Variants in EPHB1 observed in about 807,000 individuals in gnomAD.
EPHB1 encodes EPH receptor B1.
EPHB1 carries 30 observed loss-of-function variants against 94.4 expected under a neutral mutation model. The ratio of observed to expected loss-of-function variants is 0.32; its 90% CI spans 0.24 to 0.43. EPHB1 has a LOEUF of 0.43. EPHB1 is among the 20% of genes least tolerant of loss of function. EPHB1 has a pLI of 1.00. For synonymous variants in EPHB1, 522 were observed against 489.1 expected, an observed-to-expected ratio of 1.07 and a Z score of -0.89; for missense variants, 1,055 against 1,308.3, an observed-to-expected ratio of 0.81 and a Z score of 2.99.
intron 12 of EPHB1, among the ~76,000 whole-genome samples, chr3:135,207,455 TAATCATGATCAAAAGGAG>T (rs2107714921): frequency 6.6e-6 from 1 of 150,482 alleles, no homozygotes; most frequent in South Asian, 2.1e-4. Flanking sequence ...GCTGGGGACA[TAATCATGATCAAAAGGAG>T]ACATTGTTAC....
chr3:134,911,348 T>G (rs1417830928), intron 1 of EPHB1, among the ~76,000 whole-genome samples: 2 of 145,834 alleles, frequency 1.4e-5, no homozygotes, highest in Non-Finnish European at 3.0e-5. Context: ...TAGGGCTGTT[T>G]GTGCAAGGTG....
At chr3:134,795,796 C>T in intron 1 of EPHB1, 107 bp downstream of exon 1, 1 of 1,255,692 alleles carries the variant, frequency 8.0e-7, no homozygotes, top group Non-Finnish European at 1.1e-6. Flanking sequence ...GTGCAGGCAT[C>T]CCGGGACCCG....
intron 1 of EPHB1, among the ~76,000 whole-genome samples, chr3:134,836,053 G>A (rs185372296): frequency 2.6e-5 from 4 of 152,308 alleles, no homozygotes; most frequent in Admixed American, 6.5e-5. Context: ...TCCATTTGAC[G>A]GCAGAAGTGA....
chr3:134,978,394 G>C (rs1474416631), intron 3 of EPHB1, among the ~76,000 whole-genome samples: 2 of 152,240 alleles, frequency 1.3e-5, no homozygotes, highest in Middle Eastern at 6.8e-3. Context: ...CCATAAAAAA[G>C]TCTGAAAACC....
chr3:134,971,260 G>T (rs546456345), intron 3 of EPHB1, among the ~76,000 whole-genome samples: 2 of 152,344 alleles, frequency 1.3e-5, no homozygotes, highest in Admixed American at 6.5e-5. Flanking sequence ...CTGGGAGTGG[G>T]TTTAGTGGAT....
At chr3:135,032,776 G>T (rs1400447714) in intron 3 of EPHB1, among the ~76,000 whole-genome samples, 3 of 152,228 alleles carry the variant, frequency 2.0e-5, no homozygotes, top group African/African-American at 7.2e-5. Flanking sequence ...TTATTCATTT[G>T]GTGGGAGCAT....
chr3:135,074,376 T>C (rs185578008), intron 3 of EPHB1, among the ~76,000 whole-genome samples: 2 of 152,324 alleles, frequency 1.3e-5, no homozygotes, highest in African/African-American at 4.8e-5. Flanking sequence ...GTCTCTAGGC[T>C]TTCAGGTTTT....
At chr3:135,179,237 A>G (rs1191513260) in intron 9 of EPHB1, among the ~76,000 whole-genome samples, 1 of 151,906 alleles carries the variant, frequency 6.6e-6, no homozygotes, top group Admixed American at 6.6e-5. Flanking sequence ...CTTTCATACC[A>G]CCTCATTTTT....
intron 1 of EPHB1, among the ~76,000 whole-genome samples, chr3:134,922,371 G>T: frequency 6.6e-6 from 1 of 152,200 alleles, no homozygotes; most frequent in Non-Finnish European, 1.5e-5. Context: ...CATATGGAGT[G>T]GATGGTTTAT....
intron 1 of EPHB1, among the ~76,000 whole-genome samples, chr3:134,857,271 G>A (rs1217491213): frequency 4.6e-5 from 7 of 152,098 alleles, no homozygotes; most frequent in Non-Finnish European, 7.4e-5. Context: ...ACTCCTCTCC[G>A]TATATTTTCC....
intron 3 of EPHB1, among the ~76,000 whole-genome samples, chr3:135,070,433 G>T (rs1937665621): frequency 6.6e-6 from 1 of 152,084 alleles, no homozygotes; most frequent in Non-Finnish European, 1.5e-5. Flanking sequence ...AGAAAGCCAG[G>T]GTGCCTCTAG....
chr3:135,103,074 A>G (rs56144410), intron 3 of EPHB1, among the ~76,000 whole-genome samples: 42,400 of 151,948 alleles, frequency 0.28, 6,301 homozygotes, highest in Non-Finnish European at 0.33. Flanking sequence ...GCAAACCACA[A>G]TGGCACATGT....
chr3:134,961,925 A>G (rs527361714), intron 3 of EPHB1, among the ~76,000 whole-genome samples: 97 of 152,346 alleles, frequency 6.4e-4, no homozygotes, highest in East Asian at 6.4e-3. Context: ...TATTTATTCA[A>G]TGAATACTTA....
At chr3:135,039,316 T>C (rs1559805296) in intron 3 of EPHB1, among the ~76,000 whole-genome samples, 2 of 152,186 alleles carry the variant, frequency 1.3e-5, no homozygotes, top group Admixed American at 6.5e-5. Flanking sequence ...GAGCTAGATA[T>C]AAAGACTCTC....
intron 3 of EPHB1, among the ~76,000 whole-genome samples, chr3:135,058,287 C>T (rs1476051275): frequency 1.3e-5 from 2 of 152,184 alleles, no homozygotes; most frequent in African/African-American, 4.8e-5. Context: ...ATATTTGACC[C>T]ATCTGCTATG....
intron 3 of EPHB1, among the ~76,000 whole-genome samples, chr3:135,080,684 A>G (rs1187604643): frequency 1.3e-5 from 2 of 152,076 alleles, no homozygotes; most frequent in East Asian, 1.9e-4. Context: ...CATGGCAGGA[A>G]GCTTCAAAAC....
intron 10 of EPHB1, among the ~76,000 whole-genome samples, chr3:135,185,001 C>A (rs1942292825): frequency 6.6e-6 from 1 of 152,216 alleles, no homozygotes; most frequent in South Asian, 2.1e-4. Context: ...TATGCAACAG[C>A]CTAAGCATGA....
At chr3:135,088,635 A>G (rs1021222054) in intron 3 of EPHB1, among the ~76,000 whole-genome samples, 16 of 152,142 alleles carry the variant, frequency 1.1e-4, no homozygotes, top group African/African-American at 3.9e-4. Context: ...CATCATGTCT[A>G]CTTTTCAGCC....
intron 1 of EPHB1, among the ~76,000 whole-genome samples, chr3:134,831,747 C>CA (rs2036586266): frequency 6.6e-6 from 1 of 152,204 alleles, no homozygotes; most frequent in Non-Finnish European, 1.5e-5. Context: ...CGTTTTATAA[C>CA]ATTTATTGCC....
Sources: allele counts gnomAD v4.1 joint callset (sites outside exome capture counted in the v4.1 genomes callset), GRCh38; gene constraint gnomAD v4.1.1; transcripts MANE v1.5; gene names NCBI Gene and HGNC (gene_info 2026-07-23, HGNC 2026-07-21).